Variants in ELAVL4 observed in about 807,000 individuals in gnomAD.
ELAVL4 encodes ELAV like RNA binding protein 4.
ELAVL4 carries 1 observed loss-of-function variant against 35.6 expected under a neutral mutation model. The observed-to-expected ratio is 0.03, with a 90% CI of 0.01 to 0.13. ELAVL4 has a LOEUF of 0.13. Among genes scored for constraint, ELAVL4 ranks in the 10% least tolerant of loss-of-function variants. ELAVL4 has a pLI of 1.00. For synonymous variants in ELAVL4, 156 were observed against 171.0 expected, an observed-to-expected ratio of 0.91 and a Z score of 0.69; for missense variants, 267 against 464.9, an observed-to-expected ratio of 0.57 and a Z score of 3.91.
chr1:50,196,586 G>C (rs1305819212), intron 5 of ELAVL4, among the ~76,000 whole-genome samples: 1 of 152,180 alleles, frequency 6.6e-6, no homozygotes, highest in African/African-American at 2.4e-5. Context: ...ATGGGAAATA[G>C]TAGGTCCTTC....
At chr1:50,061,965 T>C (rs1454428519) in intron 1 of ELAVL4, among the ~76,000 whole-genome samples, 1 of 152,194 alleles carries the variant, frequency 6.6e-6, no homozygotes, top group Non-Finnish European at 1.5e-5. Flanking sequence ...CTAATACGGA[T>C]AAGTATTATT....
intron 1 of ELAVL4, chr1:50,144,719 G>C (rs1182818066): frequency 2.8e-6 from 2 of 709,046 alleles, no homozygotes; most frequent in Non-Finnish European, 5.1e-6. Context: ...TAATGGGAGA[G>C]TTCCTACTGC....
Position 50,202,051 on chromosome 1 carries a change from GT to G in ELAVL4, c.*877del, listed in dbSNP as rs1644413964. The G allele has an allele frequency of 6.6e-6, 1 of 152,182 alleles. No individual in the cohort carries two copies. The highest frequency in any genetic ancestry group is 6.5e-5 in the Admixed American group (1 of 15,276). 9.4% of individuals were successfully genotyped at this position (152,182 alleles called of 1,614,324 possible). A position where few individuals can be genotyped will look rare whatever the true frequency, so the allele number is the denominator to read the frequency against. On this transcript the variant is annotated 3_prime_UTR_variant, in exon 7 of 7. Transcript: ENST00000371824. Reference sequence around the variant, plus strand: ...TAACTTTTTAGAGATCAAGATGTGTGTTTTAAACTGGATTCGTAGACTGTTT... The same window carrying G: ...TAACTTTTTAGAGATCAAGATGTGTGTTTAAACTGGATTCGTAGACTGTTT...
intron 1 of ELAVL4, among the ~76,000 whole-genome samples, chr1:50,110,328 A>G (rs919368416): frequency 1.2e-4 from 19 of 152,124 alleles, no homozygotes; most frequent in Admixed American, 1.1e-3. Flanking sequence ...GCTAAAGTTA[A>G]AGGCACATTT....
At chr1:50,186,395 G>A (rs902601115) in intron 3 of ELAVL4, among the ~76,000 whole-genome samples, 1 of 152,234 alleles carries the variant, frequency 6.6e-6, no homozygotes, top group African/African-American at 2.4e-5. Flanking sequence ...GGCAGGTAAG[G>A]TGTTATCACA....
rs60863233 is a variant in ELAVL4, at chr1:50,201,402, A to C, written c.*224A>C. The C allele has an allele frequency of 2.8e-6, 1 of 354,368 alleles. No homozygotes were observed. The highest frequency in any genetic ancestry group is 4.7e-6 in the Non-Finnish European group (1 of 210,900). The allele number at this position is 354,368 out of a possible 1,614,324, so 22.0% of individuals were successfully genotyped here. A position where few individuals can be genotyped will look rare whatever the true frequency, so the allele number is the denominator to read the frequency against. On this transcript the variant is annotated 3_prime_UTR_variant, in exon 7 of 7. Coordinates refer to ENST00000371824, the MANE Select transcript of ELAVL4 (RefSeq NM_001144774.3). This position sits in a 1 kb window ranked among gnomAD's most constrained non-coding sequence, Gnocchi z 4.3. Reference sequence around the variant, plus strand: ...GCTTAGAAAAAAAGAAAAAAAAAAAACAAAAAATACCTTTGATGCATTGAA... The same window carrying C: ...GCTTAGAAAAAAAGAAAAAAAAAAACCAAAAAATACCTTTGATGCATTGAA...
At chr1:50,106,700 G>A (rs142791455), upstream of ELAVL4, among the ~76,000 whole-genome samples, 33 of 152,284 alleles carry the variant, frequency 2.2e-4, 1 homozygote, top group East Asian at 6.2e-3. Flanking sequence ...TTTGTCTTTA[G>A]AGAAAAGGCC....
chr1:50,162,715 C>T (rs922465823), intron 2 of ELAVL4, among the ~76,000 whole-genome samples: 2 of 152,118 alleles, frequency 1.3e-5, no homozygotes, highest in Non-Finnish European at 2.9e-5. Context: ...ACCCAAGTAG[C>T]TGGGACCACA....
At chr1:50,113,841 G>T (rs1384386852) in intron 1 of ELAVL4, among the ~76,000 whole-genome samples, 2 of 152,032 alleles carry the variant, frequency 1.3e-5, no homozygotes, top group African/African-American at 4.8e-5. Context: ...GACTCTGTGT[G>T]TATCAGTATA....
chr1:50,198,129 G>T (rs1420190753), intron 6 of ELAVL4, among the ~76,000 whole-genome samples: 4 of 152,182 alleles, frequency 2.6e-5, no homozygotes, highest in Non-Finnish European at 4.4e-5. Flanking sequence ...TGTTATGTGT[G>T]TTTTAAACTT....
intron 1 of ELAVL4, chr1:50,048,196 G>T: frequency 6.6e-7 from 1 of 1,518,604 alleles, no homozygotes; most frequent in South Asian, 1.2e-5. Flanking sequence ...GAAGCGCCTC[G>T]GCGCAGGCCC....
chr1:50,081,156 CTTAA>C (rs938036124), intron 1 of ELAVL4, among the ~76,000 whole-genome samples: 3 of 152,058 alleles, frequency 2.0e-5, no homozygotes, highest in Non-Finnish European at 4.4e-5. Flanking sequence ...CATCATAAAC[CTTAA>C]TTGAGAGAGC....
chr1:50,083,406 A>G (rs1272538778), intron 1 of ELAVL4, among the ~76,000 whole-genome samples: 1 of 152,138 alleles, frequency 6.6e-6, no homozygotes, highest in Non-Finnish European at 1.5e-5. Flanking sequence ...AATTCATCAA[A>G]GTAGTTCACA....
upstream of ELAVL4, among the ~76,000 whole-genome samples, chr1:50,106,630 G>A (rs980173866): frequency 3.3e-5 from 5 of 152,118 alleles, no homozygotes; most frequent in African/African-American, 4.8e-5. Flanking sequence ...TCTGAAAGAT[G>A]AATTGTACTA....
chr1:50,123,673 C>T (rs1346527790), intron 1 of ELAVL4, among the ~76,000 whole-genome samples: 1 of 152,084 alleles, frequency 6.6e-6, no homozygotes, highest in Non-Finnish European at 1.5e-5. Context: ...AGACTCCTCT[C>T]CTTTCCAGCC....
chr1:50,117,326 G>A lies in ELAVL4; in HGVS notation c.9+8128G>A, dbSNP rs764850063. Among the ~76,000 whole-genome samples, 10 of 152,186 alleles carry A rather than the reference G, an allele frequency of 6.6e-5. No individual in the cohort carries two copies. In the South Asian group the frequency reaches 8.3e-4, roughly 13 times the overall value. On this transcript the variant is annotated intron_variant, in intron 1 of 6. Transcript: ENST00000371824. ...ATTAGATTTATTTCTACTAGATACC[G>A]CTATTACCATGCCTTTGTTGGCAAG...
intron 5 of ELAVL4, 56 bp downstream of exon 5, chr1:50,195,842 A>G (rs533965529): frequency 1.3e-6 from 2 of 1,594,414 alleles, no homozygotes; most frequent in East Asian, 4.5e-5. Context: ...GCTGGGCAAG[A>G]GCCAGGGAAG....
chr1:50,178,976 T>A (rs969934306), intron 3 of ELAVL4, among the ~76,000 whole-genome samples: 5 of 151,706 alleles, frequency 3.3e-5, no homozygotes. Flanking sequence ...TTTTTTTTTT[T>A]AAGTATTCCA....
chr1:50,109,684 G>C, intron 1 of ELAVL4: 1 of 510,822 alleles, frequency 2.0e-6, no homozygotes. Context: ...TGTGTTTCGG[G>C]GGACTGCGCA....
Sources: gnomAD v4.1 joint callset for allele counts (sites outside exome capture counted in the v4.1 genomes callset) on GRCh38, gnomAD v4.1.1 for gene constraint, Gnocchi (gnomAD v3.1) non-coding constraint, MANE v1.5 for transcripts, NCBI Gene and HGNC (gene_info 2026-07-23, HGNC 2026-07-21) for gene names.